SHISA9: variants seen among roughly 807,000 people sequenced by gnomAD.
SHISA9 encodes shisa family member 9.
SHISA9 carries 13 observed loss-of-function variants against 38.0 expected under a neutral mutation model. The observed-to-expected ratio is 0.34, with a 90% CI of 0.22 to 0.54. The LOEUF (loss-of-function observed/expected upper bound fraction) is 0.54. Ranked by LOEUF, SHISA9 falls within the 20% of genes least tolerant of loss-of-function variation. The pLI is 0.91. For missense variants in SHISA9, 538 were observed against 575.8 expected (o/e 0.93, Z 0.67); for synonymous variants, 275 against 242.0 (o/e 1.14, Z -1.27).
the SHISA9 span, among the ~76,000 whole-genome samples, chr16:13,318,335 C>G: frequency 6.8e-6 from 1 of 146,138 alleles, no homozygotes; most frequent in Non-Finnish European, 1.5e-5. Context: ...TTTTTTTTTT[C>G]TTTTTGAGAC....
the SHISA9 span, among the ~76,000 whole-genome samples, chr16:13,489,352 A>G: frequency 0.28 from 43,326 of 152,052 alleles, 6,763 homozygotes; most frequent in East Asian, 0.37. Flanking sequence ...GCCCTGCCTA[A>G]CGATGCATTC....
chr16:12,994,594 C>T (rs564256930), intron 2 of SHISA9, among the ~76,000 whole-genome samples: 13 of 152,190 alleles, frequency 8.5e-5, no homozygotes, highest in African/African-American at 9.6e-5. Context: ...AAACAGGTGG[C>T]GAGGACCTGA....
At chr16:13,208,196 A>G (rs1253156168) in intron 3 of SHISA9, among the ~76,000 whole-genome samples, 1 of 152,190 alleles carries the variant, frequency 6.6e-6, no homozygotes, top group Non-Finnish European at 1.5e-5. Flanking sequence ...TAATTTTAAA[A>G]TTAGAAAATT....
At chr16:13,471,899 A>G in the SHISA9 span, among the ~76,000 whole-genome samples, 1 of 152,210 alleles carries the variant, frequency 6.6e-6, no homozygotes, top group Non-Finnish European at 1.5e-5. Context: ...ACAAAGAAAG[A>G]CTGACCATTG....
chr16:13,078,414 A>T (rs1224964942), intron 2 of SHISA9, among the ~76,000 whole-genome samples: 2 of 150,792 alleles, frequency 1.3e-5, no homozygotes, highest in Non-Finnish European at 3.0e-5. Flanking sequence ...TTTCTCAACT[A>T]TTTTTTTTTA....
At chr16:12,992,683 G>A (rs186414785) in intron 2 of SHISA9, among the ~76,000 whole-genome samples, 13 of 152,256 alleles carry the variant, frequency 8.5e-5, no homozygotes, top group East Asian at 1.9e-4. Context: ...GCTGTTTTCC[G>A]CAATTTTATT....
chr16:13,473,353 T>C, the SHISA9 span, among the ~76,000 whole-genome samples: 767 of 142,640 alleles, frequency 5.4e-3, 4 homozygotes, highest in African/African-American at 0.019. Flanking sequence ...TTCTTTCTTT[T>C]TTTTTTTTTT....
Position 13,057,115 on chromosome 16 carries a change from G to T in SHISA9, c.691+140300G>T, listed in dbSNP as rs978088301. On this transcript the variant is annotated intron_variant, in intron 2 of 4. Coordinates refer to ENST00000558583, the MANE Select transcript of SHISA9 (RefSeq NM_001145204.3). ...AGGCCCGCTAGCAGAGGGGGCTGCT[G>T]AGCATGTAATGCCCTTCCTGCCTGG... Among the ~76,000 whole-genome samples the T allele has an allele frequency of 3.9e-5, 6 of 152,342 alleles. 1 individual carries two copies. In the East Asian group the frequency reaches 9.7e-4, roughly 25 times the overall value.
chr16:13,175,412 A>T (rs1424773864), intron 2 of SHISA9, among the ~76,000 whole-genome samples: 2 of 152,090 alleles, frequency 1.3e-5, no homozygotes, highest in Admixed American at 6.6e-5. Context: ...AAAAGATTTG[A>T]TTTTTTCCCT....
At chr16:13,348,773 T>A in the SHISA9 span, among the ~76,000 whole-genome samples, 1 of 152,142 alleles carries the variant, frequency 6.6e-6, no homozygotes, top group African/African-American at 2.4e-5. Context: ...CCGATCTGCA[T>A]TTGTAGATTG....
At chr16:13,034,821 G>A (rs1387594514) in intron 2 of SHISA9, among the ~76,000 whole-genome samples, 1 of 152,168 alleles carries the variant, frequency 6.6e-6, no homozygotes, top group African/African-American at 2.4e-5. Flanking sequence ...TGAAGGAGGA[G>A]AGACATGTGA....
At chr16:13,157,299 G>A (rs1307507305) in intron 2 of SHISA9, among the ~76,000 whole-genome samples, 3 of 152,132 alleles carry the variant, frequency 2.0e-5, no homozygotes, top group Non-Finnish European at 4.4e-5. Flanking sequence ...GTGAAGCTTC[G>A]CACTAATATA....
chr16:12,997,476 A>G (rs12708765), intron 2 of SHISA9, among the ~76,000 whole-genome samples: 64,889 of 148,808 alleles, frequency 0.44, 14,521 homozygotes, highest in African/African-American at 0.5. Flanking sequence ...GTGCGATCTC[A>G]GGTCACTGCA....
chr16:13,334,320 A>T, the SHISA9 span, among the ~76,000 whole-genome samples: 1 of 152,186 alleles, frequency 6.6e-6, no homozygotes, highest in Non-Finnish European at 1.5e-5. Flanking sequence ...AGCTGTCCTC[A>T]TGAACACATG....
the SHISA9 span, among the ~76,000 whole-genome samples, chr16:13,478,220 G>A: frequency 2.0e-5 from 3 of 152,160 alleles, no homozygotes; most frequent in Non-Finnish European, 4.4e-5. Context: ...GAGATCCTGA[G>A]TCACTGAGGG....
chr16:13,394,360 A>T, the SHISA9 span, among the ~76,000 whole-genome samples: 2 of 152,162 alleles, frequency 1.3e-5, no homozygotes, highest in Non-Finnish European at 2.9e-5. Flanking sequence ...ATTGCTGCCA[A>T]AGCTGACTGA....
intron 2 of SHISA9, among the ~76,000 whole-genome samples, chr16:13,053,611 C>T (rs1456530242): frequency 1.3e-5 from 2 of 152,204 alleles, no homozygotes; most frequent in Admixed American, 1.3e-4. Flanking sequence ...CTTCACCTTG[C>T]CTGATTCCCT....
At chr16:13,055,647 A>T (rs2073301836) in intron 2 of SHISA9, among the ~76,000 whole-genome samples, 1 of 152,162 alleles carries the variant, frequency 6.6e-6, no homozygotes, top group African/African-American at 2.4e-5. Context: ...GCTGAGCAGA[A>T]TTCTAAATTC....
chr16:13,378,389 G>C, the SHISA9 span, among the ~76,000 whole-genome samples: 1 of 152,130 alleles, frequency 6.6e-6, no homozygotes, highest in Non-Finnish European at 1.5e-5. Flanking sequence ...AAGCAGCCCT[G>C]GCATTACTAG....
Sources: allele counts gnomAD v4.1 joint callset (sites outside exome capture counted in the v4.1 genomes callset), GRCh38; gene constraint gnomAD v4.1.1; transcripts MANE v1.5; gene names NCBI Gene and HGNC (gene_info 2026-07-23, HGNC 2026-07-21).